Variants in RNPC3 observed in about 807,000 individuals in gnomAD.
The protein encoded by RNPC3 is RNA binding region (RNP1, RRM) containing 3, also known as RNA-binding region-containing protein 3.
In RNPC3, 48 loss-of-function variants were observed where a neutral mutation model predicts 67.5. The ratio of observed to expected loss-of-function variants is 0.71; its 90% CI spans 0.56 to 0.90. The LOEUF (loss-of-function observed/expected upper bound fraction) is 0.90, where lower values mean the gene tolerates loss of function less well. RNPC3 is among the 40% of genes least tolerant of loss of function. The probability of loss-of-function intolerance (pLI) is 0.00; values close to 1 mark genes in which losing one functional copy is unlikely to be tolerated. For missense variants in RNPC3, 637 were observed against 626.1 expected, an observed-to-expected ratio of 1.02 and a Z score of -0.19; for synonymous variants, 239 against 210.3, an observed-to-expected ratio of 1.14 and a Z score of -1.18.
At chr1:103,549,350 T>A (rs1651327953) in intron 12 of RNPC3, among the ~76,000 whole-genome samples, 1 of 152,316 alleles carries the variant, frequency 6.6e-6, no homozygotes, top group South Asian at 2.1e-4. Flanking sequence ...GGCCTATGTA[T>A]TTTTTTAGAT....
At position 103,543,477 on chromosome 1, in the gene RNPC3, G is replaced by GA. The variant is rs1273978941; in HGVS notation, c.1045+33dup. ...GGATATTCTAGTTATTTCACATGCT[G>GA]AAATCAACTTATTGTGTTAGAATTA... On this transcript the variant is annotated intron_variant, in intron 9 of 14. Transcript: ENST00000423855. The GA allele has an allele frequency of 7.3e-6, 10 of 1,376,264 alleles. No individual in the cohort carries two copies. The African/African-American group carries it at 1.2e-4, about 17-fold the overall frequency. 85.3% of individuals were successfully genotyped at this position (1,376,264 alleles called of 1,614,324 possible).
intron 10 of RNPC3, chr1:103,545,351 A>G (rs529582033): frequency 3.3e-6 from 1 of 301,114 alleles, no homozygotes; most frequent in African/African-American, 2.2e-5. Flanking sequence ...CATTCCTAAA[A>G]CTTTCATGTG....
chr1:103,552,597 TAA>T (rs1247752095), intron 14 of RNPC3: 1 of 152,078 alleles, frequency 6.6e-6, no homozygotes, highest in African/African-American at 2.4e-5. Flanking sequence ...GACTCTCTAC[TAA>T]AAATACAAAA....
intron 14 of RNPC3, chr1:103,552,417 C>T (rs866906424): frequency 7.1e-6 from 1 of 141,030 alleles, no homozygotes; most frequent in Non-Finnish European, 1.5e-5. Flanking sequence ...TTAAAATTAA[C>T]CTAAAGTAAA....
At chr1:103,530,948 G>T (rs1650834434) in intron 2 of RNPC3, among the ~76,000 whole-genome samples, 2 of 152,136 alleles carry the variant, frequency 1.3e-5, no homozygotes, top group Admixed American at 6.6e-5. Flanking sequence ...TGTCACCCAA[G>T]CAATATACAC....
Position 103,537,560 on chromosome 1 carries a change from T to A in RNPC3, c.767+76T>A, listed in dbSNP as rs565409261. The A allele has an allele frequency of 1.4e-3, 1,685 of 1,232,906 alleles. 3 individuals carry two copies. The highest frequency in any genetic ancestry group is 1.8e-3 in the Non-Finnish European group (1,587 of 893,842). 76.4% of individuals were successfully genotyped at this position (1,232,906 alleles called of 1,614,324 possible). A position where few individuals can be genotyped will look rare whatever the true frequency, so the allele number is the denominator to read the frequency against. On this transcript the variant is annotated intron_variant, in intron 7 of 14. Coordinates refer to ENST00000423855, the MANE Select transcript of RNPC3 (RefSeq NM_017619.4). ...AAAGAGACTCTTGCTCTCCCTAGAT[T>A]TTGTGTGTATAATACTTAATAGTTT...
At chr1:103,549,772 C>G (rs1430263239) in intron 12 of RNPC3, among the ~76,000 whole-genome samples, 5 of 152,164 alleles carry the variant, frequency 3.3e-5, no homozygotes, top group African/African-American at 1.2e-4. Context: ...AAGAGTCACT[C>G]ACTGTCTCTG....
At chr1:103,526,987 T>G (rs925598035) in intron 1 of RNPC3, among the ~76,000 whole-genome samples, 4 of 152,028 alleles carry the variant, frequency 2.6e-5, no homozygotes, top group African/African-American at 7.3e-5. Context: ...AGACCAATTT[T>G]GATCAGTTTA....
chr1:103,526,385 C>A, intron 1 of RNPC3, 123 bp downstream of exon 1: 1 of 699,690 alleles, frequency 1.4e-6, no homozygotes, highest in Non-Finnish European at 2.3e-6. Flanking sequence ...TGAGAGCTCC[C>A]CCATCCTACC....
chr1:103,547,548 T>C (rs1199983530), intron 12 of RNPC3, among the ~76,000 whole-genome samples: 1 of 152,214 alleles, frequency 6.6e-6, no homozygotes, highest in Non-Finnish European at 1.5e-5. Context: ...AAAAGGCTCC[T>C]GGATGATGCT....
At chr1:103,547,763 G>A (rs1651281599) in intron 12 of RNPC3, among the ~76,000 whole-genome samples, 1 of 152,216 alleles carries the variant, frequency 6.6e-6, no homozygotes, top group African/African-American at 2.4e-5. Flanking sequence ...AAGCTAATGT[G>A]TTAGTCTGTT....
Position 103,543,396 on chromosome 1 carries a change from G to A in RNPC3, c.994G>A (p.Ala332Thr). ...EFHISTDMPAAFKKDLEKEQN... is the reference protein window; with the variant it reads ...EFHISTDMPATFKKDLEKEQN... ...CCATATATCTACCGACATGCCAGCT[G>A]CATTTAAGAAAGATTTAGAAAAGGA... The change falls in exon 9 of 15, where the codon GCA becomes ACA. Residue 332 changes from alanine to threonine, a missense_variant. Around this residue, in one of 3 missense-constraint regions of RNPC3, gnomAD observed 536 missense variants for 500.3 expected, o/e 1.07. Transcript: ENST00000423855. 1.3e-6 allele frequency: 2 copies of A among 1,519,234 alleles called. No individual in the cohort carries two copies. Among genetic ancestry groups the A allele is most frequent in the Admixed American group, 2.1e-5 (1 of 47,644 alleles). 94.1% of individuals were successfully genotyped at this position (1,519,234 alleles called of 1,614,324 possible).
intron 5 of RNPC3, 70 bp downstream of exon 5, chr1:103,535,511 C>A: frequency 1.1e-6 from 1 of 921,184 alleles, no homozygotes; most frequent in Non-Finnish European, 1.6e-6. Context: ...CATGCTGATT[C>A]TCATAAAAGT....
At chr1:103,543,609 T>C (rs1651176976) in intron 9 of RNPC3, among the ~76,000 whole-genome samples, 162 bp downstream of exon 9, 1 of 151,852 alleles carries the variant, frequency 6.6e-6, no homozygotes, top group African/African-American at 2.4e-5. Context: ...AACTTTTTTA[T>C]ATAACAGAAA....
chr1:103,545,625 G>A (rs889127921), intron 10 of RNPC3: 4 of 152,484 alleles, frequency 2.6e-5, no homozygotes, highest in Admixed American at 1.3e-4. Flanking sequence ...CTACGGTAAT[G>A]GGAAATAGAC....
rs1211511123 is a variant in RNPC3, at chr1:103,551,017, G to A, written c.1438G>A (p.Ala480Thr). 1 of 1,612,422 alleles carries A rather than the reference G, an allele frequency of 6.2e-7. No individual in the cohort carries two copies. The highest frequency in any genetic ancestry group is 8.5e-7 in the Non-Finnish European group (1 of 1,179,584). The stretch of plus-strand genomic sequence containing the variant: ...TGGACTTCCTAATGAAAAAGCAGCA[G>A]CAAAAGCCTTAAAGGAAGCTAATGG... ...FIGLPNEKAA[A>T]KALKEANGYV... is the part of the protein sequence containing the mutation. Residue 480 changes from alanine (A) to threonine (T), a missense_variant, in exon 13 of 15, where the codon GCA (alanine) becomes ACA (threonine). Physicochemically the swap from Ala to Thr is moderately conservative, Grantham distance 58 (BLOSUM62 0). Around this residue, in one of 3 missense-constraint regions of RNPC3, gnomAD observed 96 missense variants for 105.8 expected, o/e 0.91. Coordinates refer to ENST00000423855, the MANE Select transcript of RNPC3 (RefSeq NM_017619.4).
At chr1:103,537,252 T>G in intron 6 of RNPC3, 90 bp from the exon 7 acceptor site, 2 of 872,472 alleles carry the variant, frequency 2.3e-6, no homozygotes, top group Non-Finnish European at 3.3e-6. Flanking sequence ...AAAGACCATG[T>G]GATAGAAATG....
intron 2 of RNPC3, among the ~76,000 whole-genome samples, chr1:103,528,658 T>C (rs541320287): frequency 1.3e-5 from 2 of 152,156 alleles, no homozygotes; most frequent in African/African-American, 2.4e-5. Flanking sequence ...GGAGGGGTCA[T>C]TGGGCTACTT....
chr1:103,533,988 T>C, intron 3 of RNPC3, 131 bp downstream of exon 3: 1 of 622,922 alleles, frequency 1.6e-6, no homozygotes, highest in Middle Eastern at 3.4e-4. Flanking sequence ...ATTTTTCCAT[T>C]AAACCTAGTA....
Sources: allele counts gnomAD v4.1 joint callset (sites outside exome capture counted in the v4.1 genomes callset), GRCh38; gene constraint gnomAD v4.1.1; regional missense constraint gnomAD v4.1.1; transcripts MANE v1.5; gene names NCBI Gene and HGNC (gene_info 2026-07-23, HGNC 2026-07-21).